RAPGEF1: variants seen among roughly 807,000 people sequenced by gnomAD.
RAPGEF1 encodes the protein Rap guanine nucleotide exchange factor 1, also known as CRK SH3-binding GNRP.
A neutral mutation model predicts 143.3 loss-of-function variants in RAPGEF1; 33 were observed. The observed-to-expected ratio is 0.23, with a 90% confidence interval of 0.17 to 0.31. The LOEUF is 0.31. Ranked by LOEUF, RAPGEF1 falls within the 10% of genes least tolerant of loss-of-function variation. RAPGEF1 has a pLI of 1.00. For missense variants in RAPGEF1, 1,199 were observed against 1,645.4 expected, an observed-to-expected ratio of 0.73 and a Z score of 4.69; for synonymous variants, 629 against 676.5, an observed-to-expected ratio of 0.93 and a Z score of 1.09.
intron 20 of RAPGEF1, among the ~76,000 whole-genome samples, chr9:131,588,416 A>C (rs1402892377): frequency 2.0e-5 from 3 of 152,204 alleles, no homozygotes; most frequent in Admixed American, 6.5e-5. Flanking sequence ...GAAGGAGCCC[A>C]CTACTCAACA....
intron 1 of RAPGEF1, among the ~76,000 whole-genome samples, chr9:131,722,361 T>C (rs1836327469): frequency 6.6e-6 from 1 of 152,264 alleles, no homozygotes; most frequent in Non-Finnish European, 1.5e-5. Flanking sequence ...AACGTGGCGA[T>C]AGCCTGGAAT....
At chr9:131,731,396 C>T (rs570715518) in intron 1 of RAPGEF1, among the ~76,000 whole-genome samples, 5 of 152,280 alleles carry the variant, frequency 3.3e-5, no homozygotes, top group East Asian at 1.9e-4. Flanking sequence ...GGAGGATGGG[C>T]GCATGTGATA....
rs745523700 is a variant in RAPGEF1 at position 131,584,454 on chromosome 9, G to A, written c.3313-42C>T. Reference sequence around the variant, plus strand: ...GGTGCCGTGAGGCAGGAGGGCAGGCGGGTCCCGGGCTCCCAGAGCAGGGAC... The same window carrying A: ...GGTGCCGTGAGGCAGGAGGGCAGGCAGGTCCCGGGCTCCCAGAGCAGGGAC... On this transcript the variant is annotated intron_variant, in intron 23 of 26. Coordinates refer to ENST00000683357, the MANE Select transcript of RAPGEF1 (RefSeq NM_001377935.1). The surrounding 1 kb of genome is among the most constrained non-coding windows in gnomAD (Gnocchi z 6.8). 1.5e-5 allele frequency: 24 copies of A among 1,612,728 alleles called. No individual in the cohort carries two copies. The highest frequency in any genetic ancestry group is 1.7e-5 in the Admixed American group (1 of 60,014).
At chr9:131,652,390 T>C (rs1036013262) in intron 1 of RAPGEF1, among the ~76,000 whole-genome samples, 1 of 152,206 alleles carries the variant, frequency 6.6e-6, no homozygotes, top group Admixed American at 6.5e-5. Context: ...GCTAGGACTA[T>C]AGGCAAGTGC....
At chr9:131,640,333 C>T (rs1260997715) in intron 4 of RAPGEF1, among the ~76,000 whole-genome samples, 1 of 152,240 alleles carries the variant, frequency 6.6e-6, no homozygotes, top group Non-Finnish European at 1.5e-5. Flanking sequence ...ATCTCACTGT[C>T]ACACTGCTGG....
chr9:131,731,397 G>A (rs1309826569), intron 1 of RAPGEF1, among the ~76,000 whole-genome samples: 2 of 152,188 alleles, frequency 1.3e-5, no homozygotes, highest in Non-Finnish European at 2.9e-5. Context: ...GAGGATGGGC[G>A]CATGTGATAA....
chr9:131,721,394 T>G (rs1056119549), intron 1 of RAPGEF1, among the ~76,000 whole-genome samples: 1 of 152,118 alleles, frequency 6.6e-6, no homozygotes, highest in Non-Finnish European at 1.5e-5. Context: ...TGTCCGGATA[T>G]CTAACTAAGA....
intron 12 of RAPGEF1, among the ~76,000 whole-genome samples, chr9:131,610,278 C>T (rs528157896): frequency 9.8e-5 from 15 of 152,300 alleles, no homozygotes; most frequent in East Asian, 7.7e-4. Flanking sequence ...TCAGGAAGAG[C>T]GCGTGCCAGA....
chr9:131,681,989 A>T (rs776033229), intron 1 of RAPGEF1, among the ~76,000 whole-genome samples: 1 of 152,180 alleles, frequency 6.6e-6, no homozygotes, highest in Non-Finnish European at 1.5e-5. Context: ...CTGCTCTGCG[A>T]CCTATCAGAG....
intron 1 of RAPGEF1, among the ~76,000 whole-genome samples, chr9:131,722,850 A>G (rs1836365094): frequency 2.0e-5 from 3 of 152,052 alleles, no homozygotes; most frequent in African/African-American, 7.2e-5. Context: ...TGGATAACAG[A>G]GCAAAACCCT....
chr9:131,638,699 G>A lies in RAPGEF1; in HGVS notation c.587C>T (p.Ser196Leu). 1 of 1,614,030 alleles carries A rather than the reference G, an allele frequency of 6.2e-7. No homozygotes were observed. Among genetic ancestry groups the A allele is most frequent in the Non-Finnish European group, 8.5e-7 (1 of 1,179,898 alleles). ...AGTCGTCACCATCTCCTTGTCTTCTGAGTTCACGCCTTCCAGCATCACTTG... is the reference window on the plus strand; with the variant it reads ...AGTCGTCACCATCTCCTTGTCTTCTAAGTTCACGCCTTCCAGCATCACTTG... ...SDQVMLEGVNSEDKEMVTTVK... is the reference protein window; with the variant it reads ...SDQVMLEGVNLEDKEMVTTVK... The change falls in exon 5 of 27, where the codon TCA becomes TTA. Residue 196 changes from serine to leucine, a missense_variant. Coordinates refer to ENST00000683357, the MANE Select transcript of RAPGEF1 (RefSeq NM_001377935.1).
At chr9:131,685,448 G>A (rs568443498) in intron 1 of RAPGEF1, among the ~76,000 whole-genome samples, 2 of 152,318 alleles carry the variant, frequency 1.3e-5, no homozygotes, top group South Asian at 4.1e-4. Flanking sequence ...CAAGGAACAC[G>A]GGGCCCACCC....
intron 1 of RAPGEF1, among the ~76,000 whole-genome samples, chr9:131,730,439 G>A (rs1463203852): frequency 6.6e-6 from 1 of 151,846 alleles, no homozygotes; most frequent in Non-Finnish European, 1.5e-5. Context: ...CAGCACTTTG[G>A]GAGGCTGAGG....
rs185946343 is a variant in RAPGEF1, at chr9:131,645,097, C to T, written c.316-1680G>A. Among the ~76,000 whole-genome samples, 325 of 152,308 alleles carry T rather than the reference C, an allele frequency of 2.1e-3. 2 individuals carry two copies. Among genetic ancestry groups the T allele is most frequent in the Admixed American group, 3.7e-3 (56 of 15,296 alleles). Reference sequence around the variant, plus strand: ...TTTCACTACCTGACAGATTTGTTTACGGTCTGTTTCCAAGAGGCTGGGCGC... The same window carrying T: ...TTTCACTACCTGACAGATTTGTTTATGGTCTGTTTCCAAGAGGCTGGGCGC... On this transcript the variant is annotated intron_variant, in intron 3 of 26. Coordinates refer to ENST00000683357, the MANE Select transcript of RAPGEF1 (RefSeq NM_001377935.1).
At chr9:131,734,544 G>T (rs768889217) in intron 1 of RAPGEF1, among the ~76,000 whole-genome samples, 13 of 152,214 alleles carry the variant, frequency 8.5e-5, no homozygotes, top group Non-Finnish European at 1.8e-4. Context: ...TGAGTGAAAG[G>T]AGGCAGAGCA....
intron 1 of RAPGEF1, among the ~76,000 whole-genome samples, chr9:131,668,274 C>T (rs1436480710): frequency 3.3e-5 from 5 of 152,108 alleles, no homozygotes; most frequent in South Asian, 4.1e-4. Flanking sequence ...GCTTCCCTCC[C>T]GGAGCCCAAT....
chr9:131,669,496 A>C (rs1831002381), intron 1 of RAPGEF1, among the ~76,000 whole-genome samples: 1 of 152,044 alleles, frequency 6.6e-6, no homozygotes, highest in African/African-American at 2.4e-5. Context: ...TTTACACGCA[A>C]AGCACTTGCA....
rs1835692027 is a variant in RAPGEF1, at chr9:131,714,066, A to AGGGACAAATAGGGACAAAATAGG, written c.61+25703_61+25704insCCTATTTTGTCCCTATTTGTCCC. ...ACCTCAGGAATAATTTTTTTTTTTA[A>AGGGACAAATAGGGACAAAATAGG]GAGACAGGGTCTCCCTATATTGCCC... On this transcript the variant is annotated intron_variant, in intron 1 of 26. Transcript: ENST00000683357. Among the ~76,000 whole-genome samples the AGGGACAAATAGGGACAAAATAGG allele has an allele frequency of 3.9e-5, 6 of 152,052 alleles. No individual in the cohort carries two copies. The South Asian group carries it at 1.2e-3, about 32-fold the overall frequency.
intron 1 of RAPGEF1, among the ~76,000 whole-genome samples, chr9:131,695,998 T>C (rs887511411): frequency 6.6e-6 from 1 of 152,238 alleles, no homozygotes; most frequent in African/African-American, 2.4e-5. Context: ...AGATGTCTCA[T>C]GAAGCTGCAG....
Sources: gnomAD v4.1 joint callset for allele counts (sites outside exome capture counted in the v4.1 genomes callset) on GRCh38, gnomAD v4.1.1 for gene constraint, Gnocchi (gnomAD v3.1) non-coding constraint, MANE v1.5 for transcripts, NCBI Gene and HGNC (gene_info 2026-07-23, HGNC 2026-07-21) for gene names.